LUZP2: variants seen among roughly 807,000 people sequenced by gnomAD.
LUZP2 encodes leucine zipper protein 2.
Under a neutral mutation model 51.6 loss-of-function variants are expected in LUZP2, and 52 were observed. The ratio of observed to expected loss-of-function variants is 1.01; its 90% CI spans 0.81 to 1.27. LUZP2 has a LOEUF of 1.27. LUZP2 is among the 50% of genes most tolerant of loss of function. The pLI is 0.00. For missense variants in LUZP2, 436 were observed against 395.4 expected, an observed-to-expected ratio of 1.10 and a Z score of -0.87; for synonymous variants, 154 against 137.3, an observed-to-expected ratio of 1.12 and a Z score of -0.85.
chr11:24,828,513 T>TCTC (rs1196693335), intron 5 of LUZP2, among the ~76,000 whole-genome samples: 1 of 149,228 alleles, frequency 6.7e-6, no homozygotes, highest in African/African-American at 2.5e-5. Flanking sequence ...CAGTTACTGA[T>TCTC]CTCCTGCACT....
At chr11:24,574,068 C>T (rs68090319) in intron 1 of LUZP2, among the ~76,000 whole-genome samples, 87,514 of 150,660 alleles carry the variant, frequency 0.58, 26,093 homozygotes, top group East Asian at 0.8. Flanking sequence ...TTCTCTCTTT[C>T]GCTTCTCTCT....
At chr11:24,714,428 A>C (rs894528439) in intron 1 of LUZP2, among the ~76,000 whole-genome samples, 2 of 152,202 alleles carry the variant, frequency 1.3e-5, no homozygotes, top group Non-Finnish European at 2.9e-5. Context: ...CAGACATCTG[A>C]ATCAATTGAT....
intron 5 of LUZP2, among the ~76,000 whole-genome samples, chr11:24,885,668 C>G (rs1852646881): frequency 6.6e-6 from 1 of 152,098 alleles, no homozygotes; most frequent in South Asian, 2.1e-4. Flanking sequence ...AAGTCATCAT[C>G]TCATGTTTCT....
At chr11:24,574,432 T>C (rs968400732) in intron 1 of LUZP2, among the ~76,000 whole-genome samples, 1 of 150,886 alleles carries the variant, frequency 6.6e-6, no homozygotes, top group Non-Finnish European at 1.5e-5. Context: ...TATTTGTGTG[T>C]TAGTTAGTAT....
chr11:24,749,410 G>A (rs111293894), intron 4 of LUZP2, among the ~76,000 whole-genome samples: 11 of 152,210 alleles, frequency 7.2e-5, no homozygotes, highest in Admixed American at 2.0e-4. Context: ...CAACTTGATC[G>A]GATTGAAGGA....
At chr11:24,973,364 G>GTTTTTTTTT (rs369095558) in intron 7 of LUZP2, among the ~76,000 whole-genome samples, 2 of 102,996 alleles carry the variant, frequency 1.9e-5, no homozygotes, top group Non-Finnish European at 3.8e-5. Context: ...ATATTTATTA[G>GTTTTTTTTT]TTTTTTTTTT....
intron 1 of LUZP2, among the ~76,000 whole-genome samples, chr11:24,499,390 C>T (rs1340358723): frequency 6.6e-6 from 1 of 152,116 alleles, no homozygotes; most frequent in Non-Finnish European, 1.5e-5. Context: ...TAACAGAAGG[C>T]CATTCTGTGT....
chr11:24,902,713 T>G (rs1853317263), intron 5 of LUZP2, among the ~76,000 whole-genome samples: 1 of 152,174 alleles, frequency 6.6e-6, no homozygotes, highest in Non-Finnish European at 1.5e-5. Flanking sequence ...AAATTAGTCT[T>G]TTGTTGTGTA....
intron 10 of LUZP2, among the ~76,000 whole-genome samples, chr11:25,051,196 T>G (rs1858497680): frequency 6.6e-6 from 1 of 151,830 alleles, no homozygotes; most frequent in African/African-American, 2.4e-5. Context: ...AATGAATTAC[T>G]CTCCCAACTA....
intron 1 of LUZP2, among the ~76,000 whole-genome samples, chr11:24,548,169 C>A (rs1192581993): frequency 6.6e-6 from 1 of 152,052 alleles, no homozygotes; most frequent in East Asian, 1.9e-4. Flanking sequence ...TAAAATAGAA[C>A]TACCATTTGA....
At chr11:24,556,890 T>C (rs1267240613) in intron 1 of LUZP2, among the ~76,000 whole-genome samples, 1 of 152,126 alleles carries the variant, frequency 6.6e-6, no homozygotes, top group African/African-American at 2.4e-5. Context: ...TGGTACTAAT[T>C]TCACTTCCCT....
intron 9 of LUZP2, among the ~76,000 whole-genome samples, chr11:24,990,206 A>T (rs1180290151): frequency 6.6e-6 from 1 of 152,016 alleles, no homozygotes; most frequent in Non-Finnish European, 1.5e-5. Flanking sequence ...CAGGTTGCTT[A>T]TATCTAGCAT....
At chr11:24,729,093 TGTGA>T (rs1858606810) in intron 1 of LUZP2, 72 bp from the exon 2 acceptor site, 2 of 602,794 alleles carry the variant, frequency 3.3e-6, no homozygotes, top group Non-Finnish European at 2.7e-6. Context: ...TCACTGAAAC[TGTGA>T]GTGTTAGTGA....
intron 9 of LUZP2, among the ~76,000 whole-genome samples, chr11:25,025,432 T>C (rs918381721): frequency 1.2e-4 from 18 of 151,974 alleles, no homozygotes; most frequent in African/African-American, 4.3e-4. Flanking sequence ...CTACAAATAA[T>C]TTAAACAAAT....
chr11:24,816,073 T>C (rs1850173362), intron 5 of LUZP2, among the ~76,000 whole-genome samples: 1 of 152,004 alleles, frequency 6.6e-6, no homozygotes, highest in Admixed American at 6.6e-5. Context: ...ATGTAAACTT[T>C]ATAAGCCTTA....
At chr11:24,796,629 T>C (rs1454610720) in intron 5 of LUZP2, among the ~76,000 whole-genome samples, 1 of 151,570 alleles carries the variant, frequency 6.6e-6, no homozygotes, top group Non-Finnish European at 1.5e-5. Flanking sequence ...AGGGCTGGCT[T>C]GTGATAAGAC....
chr11:25,030,903 A>AG lies in LUZP2; in HGVS notation c.766-19135_766-19134insG, dbSNP rs1565254233. ...GTTACTATATATATTATATATATAT[A>AG]TAATATATATTGTATTATATATATA... On this transcript the variant is annotated intron_variant, in intron 9 of 11. Coordinates refer to ENST00000336930, the MANE Select transcript of LUZP2 (RefSeq NM_001009909.4). 3.8e-4 allele frequency among the ~76,000 whole-genome samples: 17 copies of AG among 44,896 alleles called. 3 individuals are homozygous for AG. The highest frequency in any genetic ancestry group is 2.4e-3 in the African/African-American group (16 of 6,628). 29.5% of individuals were successfully genotyped at this position (44,896 alleles called of 152,430 possible). A position where few individuals can be genotyped will look rare whatever the true frequency, so the allele number is the denominator to read the frequency against.
intron 10 of LUZP2, among the ~76,000 whole-genome samples, chr11:25,051,698 G>C (rs1858521528): frequency 6.6e-6 from 1 of 152,116 alleles, no homozygotes; most frequent in Non-Finnish European, 1.5e-5. Flanking sequence ...AGCTAGTTCA[G>C]GTTTTCAAAT....
At chr11:24,968,047 T>G (rs1378128838) in intron 7 of LUZP2, among the ~76,000 whole-genome samples, 1 of 152,166 alleles carries the variant, frequency 6.6e-6, no homozygotes, top group African/African-American at 2.4e-5. Context: ...TGTGTACGGT[T>G]TGTTTTATTC....
Sources: gnomAD v4.1 joint callset for allele counts (sites outside exome capture counted in the v4.1 genomes callset) on GRCh38, gnomAD v4.1.1 for gene constraint, MANE v1.5 for transcripts, NCBI Gene and HGNC (gene_info 2026-07-23, HGNC 2026-07-21) for gene names.